Variants in PCCA observed in about 807,000 individuals in gnomAD.
PCCA encodes the protein propionyl-CoA carboxylase subunit alpha.
Under a neutral mutation model 101.3 loss-of-function variants are expected in PCCA, and 74 were observed. The observed-to-expected ratio is 0.73, with a 90% CI of 0.61 to 0.89. The LOEUF is 0.89. Ranked by LOEUF, PCCA falls within the 40% of genes least tolerant of loss-of-function variation. The pLI, the probability that PCCA is intolerant of heterozygous loss-of-function variation, is 0.00. For synonymous variants in PCCA, 294 were observed against 313.6 expected (o/e 0.94, Z 0.66); for missense variants, 891 against 907.0 (o/e 0.98, Z 0.23).
At chr13:100,404,991 C>T (rs549171019) in intron 19 of PCCA, among the ~76,000 whole-genome samples, 38 of 152,206 alleles carry the variant, frequency 2.5e-4, no homozygotes, top group African/African-American at 8.9e-4. Flanking sequence ...GGAATTGAGT[C>T]GGGAACACAA....
intron 7 of PCCA, among the ~76,000 whole-genome samples, chr13:100,211,038 C>G (rs1162157161): frequency 6.6e-6 from 1 of 152,168 alleles, no homozygotes; most frequent in Non-Finnish European, 1.5e-5. Flanking sequence ...TATCTTTTCT[C>G]TCTTCTGTGT....
intron 19 of PCCA, among the ~76,000 whole-genome samples, chr13:100,386,775 T>C (rs536444919): frequency 2.3e-4 from 35 of 152,324 alleles, no homozygotes; most frequent in African/African-American, 8.2e-4. Flanking sequence ...ACAGAATATC[T>C]TTGGAAGGAG....
At position 100,201,450 on chromosome 13, in the gene PCCA, C is replaced by T. The variant is rs1009651065; in HGVS notation, c.469-7882C>T. On this transcript the variant is annotated intron_variant, in intron 6 of 23. Coordinates refer to ENST00000376285, the MANE Select transcript of PCCA (RefSeq NM_000282.4). ...GTGTAAACTATGAGCATGGTGGCTA[C>T]GTTTCAGTTTCATATAATTTTTATG... 2.6e-5 allele frequency among the ~76,000 whole-genome samples: 4 copies of T among 152,030 alleles called. No individual in the cohort carries two copies. In the East Asian group the frequency reaches 7.7e-4, roughly 29 times the overall value.
chr13:100,302,815 C>T (rs2066165967), intron 13 of PCCA, 109 bp from the exon 14 acceptor site: 2 of 756,780 alleles, frequency 2.6e-6, no homozygotes, highest in Admixed American at 1.8e-5. Flanking sequence ...TGGTAAATAC[C>T]ATATGTTGAA....
chr13:100,463,244 G>A (rs1212040969), intron 21 of PCCA, among the ~76,000 whole-genome samples: 5 of 152,054 alleles, frequency 3.3e-5, no homozygotes, highest in Non-Finnish European at 7.4e-5. Context: ...ATTCCAAGGA[G>A]GTTGGGTGGC....
At chr13:100,521,145 A>G (rs1377630620) in intron 22 of PCCA, among the ~76,000 whole-genome samples, 1 of 152,196 alleles carries the variant, frequency 6.6e-6, no homozygotes, top group Non-Finnish European at 1.5e-5. Context: ...CTTAGAGGGC[A>G]GCAGGGAGTC....
At chr13:100,454,949 C>A (rs2152933126) in intron 21 of PCCA, among the ~76,000 whole-genome samples, 1 of 151,950 alleles carries the variant, frequency 6.6e-6, no homozygotes, top group South Asian at 2.1e-4. Flanking sequence ...TCTTATAAAA[C>A]ATTTATAAAG....
chr13:100,392,377 A>G (rs1377323492), intron 19 of PCCA, among the ~76,000 whole-genome samples: 2 of 152,234 alleles, frequency 1.3e-5, no homozygotes, highest in Non-Finnish European at 2.9e-5. Context: ...TAGTTACATA[A>G]TGGGATATCA....
intron 20 of PCCA, among the ~76,000 whole-genome samples, chr13:100,448,434 G>A (rs1258628933): frequency 1.3e-5 from 2 of 151,952 alleles, no homozygotes; most frequent in South Asian, 2.1e-4. Flanking sequence ...CTCGTGATCC[G>A]CCTGCCTCAA....
At chr13:100,478,393 C>T (rs1453039025) in intron 21 of PCCA, among the ~76,000 whole-genome samples, 1 of 152,200 alleles carries the variant, frequency 6.6e-6, no homozygotes. Flanking sequence ...TGTCCTTTCC[C>T]TCCCACTCTG....
At chr13:100,259,298 C>G (rs550347579) in intron 9 of PCCA, among the ~76,000 whole-genome samples, 4 of 144,596 alleles carry the variant, frequency 2.8e-5, no homozygotes, top group Admixed American at 2.1e-4. Flanking sequence ...ATCTGTAGGA[C>G]ATCTGAAAGA....
At chr13:100,310,336 A>G (rs1486479774) in intron 16 of PCCA, among the ~76,000 whole-genome samples, 1 of 152,222 alleles carries the variant, frequency 6.6e-6, no homozygotes, top group Non-Finnish European at 1.5e-5. Flanking sequence ...GGAAGACATT[A>G]AAGTATTTGT....
chr13:100,499,677 C>G (rs960925468), intron 21 of PCCA, among the ~76,000 whole-genome samples: 1 of 152,260 alleles, frequency 6.6e-6, no homozygotes, highest in African/African-American at 2.4e-5. Flanking sequence ...ACCTCTGTTG[C>G]AGAAGCACAT....
At chr13:100,351,954 C>A (rs565849126) in intron 18 of PCCA, among the ~76,000 whole-genome samples, 6 of 152,192 alleles carry the variant, frequency 3.9e-5, no homozygotes, top group African/African-American at 1.2e-4. Flanking sequence ...AACCATGTTG[C>A]TTGGAAGCAT....
At chr13:100,348,803 C>T (rs866130487) in intron 18 of PCCA, among the ~76,000 whole-genome samples, 7 of 108,606 alleles carry the variant, frequency 6.4e-5, no homozygotes, top group Admixed American at 3.1e-4. Flanking sequence ...TTCCTTCCTT[C>T]CTTCCTTCCT....
chr13:100,174,636 G>C (rs1367913423), intron 6 of PCCA, among the ~76,000 whole-genome samples: 1 of 149,772 alleles, frequency 6.7e-6, no homozygotes, highest in East Asian at 2.0e-4. Flanking sequence ...GCTGAGGCAG[G>C]AGAATTGCTT....
intron 20 of PCCA, among the ~76,000 whole-genome samples, chr13:100,443,484 A>G (rs902743717): frequency 9.2e-5 from 14 of 151,888 alleles, no homozygotes; most frequent in African/African-American, 2.4e-4. Context: ...TTCATGACCC[A>G]TGAGAAGTAT....
At chr13:100,107,567 T>A (rs9557380) in intron 2 of PCCA, among the ~76,000 whole-genome samples, 67,417 of 151,986 alleles carry the variant, frequency 0.44, 15,666 homozygotes, top group East Asian at 0.7. Context: ...TAACATAGTG[T>A]TTAGAGCTTG....
At chr13:100,248,570 C>T (rs1004856324) in intron 8 of PCCA, among the ~76,000 whole-genome samples, 1 of 152,060 alleles carries the variant, frequency 6.6e-6, no homozygotes, top group Non-Finnish European at 1.5e-5. Flanking sequence ...TCTTTTCATG[C>T]TATTATTTGC....
Sources: gnomAD v4.1 joint callset for allele counts (sites outside exome capture counted in the v4.1 genomes callset) on GRCh38, gnomAD v4.1.1 for gene constraint, MANE v1.5 for transcripts, NCBI Gene and HGNC (gene_info 2026-07-23, HGNC 2026-07-21) for gene names.